IL17D: variants seen among roughly 807,000 people sequenced by gnomAD.
IL17D encodes the protein interleukin 17D.
In IL17D, 10 loss-of-function variants were observed where a neutral mutation model predicts 5.7. That is an observed-to-expected ratio of 1.75 (90% confidence interval 1.08 to 2.97). IL17D has a LOEUF of 2.97. Ranked by LOEUF, IL17D falls within the 30% of genes most tolerant of loss-of-function variation. The pLI is 0.00. For synonymous variants in IL17D, 172 were observed against 141.7 expected, an observed-to-expected ratio of 1.21 and a Z score of -1.52; for missense variants, 354 against 292.7, an observed-to-expected ratio of 1.21 and a Z score of -1.53.
chr13:20,710,301 G>C (rs1237001114), intron 1 of IL17D, among the ~76,000 whole-genome samples: 2 of 151,838 alleles, frequency 1.3e-5, no homozygotes, highest in Non-Finnish European at 2.9e-5. Context: ...TAAGATATAC[G>C]TCATTCATTT....
At chr13:20,705,066 G>A (rs988701782) in intron 1 of IL17D, among the ~76,000 whole-genome samples, 2 of 152,156 alleles carry the variant, frequency 1.3e-5, no homozygotes, top group Non-Finnish European at 2.9e-5. Context: ...TTGGGGGCGT[G>A]TAGGCAGGGT....
At position 20,716,978 on chromosome 13, in the gene IL17D, C is replaced by G. The variant is rs369750464; in HGVS notation, c.291-4658C>G. 5.3e-5 allele frequency: 8 copies of G among 152,256 alleles called. No homozygotes were observed. Among genetic ancestry groups the G allele is most frequent in the African/African-American group, 1.7e-4 (7 of 41,462 alleles). The allele number at this position is 152,256 out of a possible 1,614,324, so 9.4% of individuals were successfully genotyped here. On this transcript the variant is annotated intron_variant, in intron 1 of 1. Coordinates refer to ENST00000682841, the MANE Select transcript of IL17D (RefSeq NM_001385224.1). The surrounding 1 kb of genome is among the most constrained non-coding windows in gnomAD (Gnocchi z 4.2). ...GACACATCAGGTGGCCCGATCCTCC[C>G]TCGGAATGTGTTCATTGTTTTCAGA...
Position 20,722,299 on chromosome 13 carries a change from G to A in IL17D, c.*345G>A. 1 of 302,628 alleles carries A rather than the reference G, an allele frequency of 3.3e-6. No homozygotes were observed. The highest frequency in any genetic ancestry group is 6.0e-6 in the Non-Finnish European group (1 of 165,736). The allele number at this position is 302,628 out of a possible 1,614,324, so 18.7% of individuals were successfully genotyped here. A position where few individuals can be genotyped will look rare whatever the true frequency, so the allele number is the denominator to read the frequency against. On this transcript the variant is annotated 3_prime_UTR_variant, in exon 2 of 2. Transcript: ENST00000682841. ...CTGCGGGTGCAGGGCGTGACTCACCGCTGGGTGCTTGCCAAAGAGATAGGG... is the reference window on the plus strand; with the variant it reads ...CTGCGGGTGCAGGGCGTGACTCACCACTGGGTGCTTGCCAAAGAGATAGGG...
intron 1 of IL17D, 34 bp from the exon 2 acceptor site, chr13:20,721,602 C>G: frequency 6.5e-7 from 1 of 1,540,846 alleles, no homozygotes; most frequent in Non-Finnish European, 8.8e-7. Context: ...GGGCTGCCCC[C>G]AGGCGTGACC....
chr13:20,712,178 C>T (rs763558530), intron 1 of IL17D, among the ~76,000 whole-genome samples: 12 of 152,222 alleles, frequency 7.9e-5, no homozygotes, highest in East Asian at 1.9e-4. Flanking sequence ...GTACTGTTCG[C>T]ATCACTTTCT....
upstream of IL17D, chr13:20,703,190 CGCCGCA>C (rs1295064909): frequency 1.3e-6 from 1 of 797,376 alleles, no homozygotes; most frequent in Non-Finnish European, 1.5e-6. Context: ...CTGGGCGCCC[CGCCGCA>C]TGCTCGCGGC....
chr13:20,713,570 G>C (rs1010196161), intron 1 of IL17D: 1 of 152,190 alleles, frequency 6.6e-6, no homozygotes, highest in Non-Finnish European at 1.5e-5. Flanking sequence ...TGCTTTGATA[G>C]TTATTTTCCC....
Position 20,704,053 on chromosome 13 carries a change from G to C in IL17D, c.52G>C (p.Ala18Pro). 1 of 1,064,996 alleles carries C rather than the reference G, an allele frequency of 9.4e-7. No homozygotes were observed. Among genetic ancestry groups the C allele is most frequent in the Non-Finnish European group, 1.1e-6 (1 of 885,888 alleles). The allele number at this position is 1,064,996 out of a possible 1,614,324, so 66.0% of individuals were successfully genotyped here. A position where few individuals can be genotyped will look rare whatever the true frequency, so the allele number is the denominator to read the frequency against. Residue 18 changes from alanine (A) to proline (P), a missense_variant, in exon 1 of 2, where the codon GCC (alanine) becomes CCC (proline). Physicochemically the swap from Ala to Pro is conservative, Grantham distance 27. Transcript: ENST00000682841. Reference protein sequence around the residue: ...LALPPSWAAGAPRAGRRPARP... With the variant: ...LALPPSWAAGPPRAGRRPARP... ...GCTGCCGCCGAGCTGGGCCGCGGGC[G>C]CCCCGAGGGCGGGCAGGCGCCCCGC...
chr13:20,703,497 T>C (rs1321258961), upstream of IL17D: 3 of 909,472 alleles, frequency 3.3e-6, no homozygotes, highest in Non-Finnish European at 3.9e-6. Flanking sequence ...CCGCGGACCC[T>C]GCGCGGGCTG....
intron 1 of IL17D, among the ~76,000 whole-genome samples, chr13:20,706,090 AC>A (rs1285058126): frequency 6.6e-6 from 1 of 152,112 alleles, no homozygotes; most frequent in Non-Finnish European, 1.5e-5. Context: ...TCTGCAGAGG[AC>A]CAAGCTCACT....
intron 1 of IL17D, among the ~76,000 whole-genome samples, chr13:20,704,691 TCTC>T (rs898962917): frequency 3.3e-5 from 5 of 151,882 alleles, no homozygotes; most frequent in African/African-American, 9.7e-5. Flanking sequence ...GAACACCTCA[TCTC>T]CTCCAGGTTG....
intron 1 of IL17D, among the ~76,000 whole-genome samples, chr13:20,704,692 C>G (rs1462296359): frequency 6.6e-5 from 10 of 152,110 alleles, no homozygotes; most frequent in Admixed American, 6.5e-4. Flanking sequence ...AACACCTCAT[C>G]TCCTCCAGGT....
rs1224733644 is a variant in IL17D at position 20,721,638 on chromosome 13, T to C, written c.293T>C (p.Ile98Thr). 6 of 1,591,114 alleles carry C rather than the reference T, an allele frequency of 3.8e-6. No individual in the cohort carries two copies. In the Admixed American group the frequency reaches 5.1e-5, roughly 13 times the overall value. The stretch of plus-strand genomic sequence containing the variant: ...TCACCCGTGCTCTCTCCCTGCAGAA[T>C]CTCCTACGACCCGGCGAGGTACCCC... ...LRSVSPWAYR[I>T]SYDPARYPRY... is the part of the protein sequence containing the mutation. Residue 98 changes from isoleucine to threonine, a missense_variant and splice_region_variant, in exon 2 of 2, where the codon ATC becomes ACC. By Grantham distance (89) the Ile-to-Thr change is moderately conservative. Transcript: ENST00000682841.
chr13:20,718,661 T>C lies in IL17D; in HGVS notation c.291-2975T>C, dbSNP rs868624175. Among the ~76,000 whole-genome samples, 101 of 68,750 alleles carry C rather than the reference T, an allele frequency of 1.5e-3. 1 individual carries two copies. The highest frequency in any genetic ancestry group is 2.0e-3 in the Non-Finnish European group (76 of 37,478). 45.1% of individuals were successfully genotyped at this position (68,750 alleles called of 152,430 possible). On this transcript the variant is annotated intron_variant, in intron 1 of 1. Transcript: ENST00000682841. ...ACGCTCACACACCTGCCCACTTACA[T>C]GCCCACGCTCACACACACCTGCCCA... is the stretch of plus-strand genomic sequence containing the variant.
intron 1 of IL17D, among the ~76,000 whole-genome samples, chr13:20,705,649 G>A (rs974144304): frequency 2.6e-5 from 4 of 152,162 alleles, no homozygotes; most frequent in Non-Finnish European, 1.5e-5. Context: ...GTGAGCTGTG[G>A]TGGCGCCACT....
At chr13:20,705,366 G>A (rs940108717) in intron 1 of IL17D, among the ~76,000 whole-genome samples, 8 of 152,120 alleles carry the variant, frequency 5.3e-5, no homozygotes, top group Non-Finnish European at 8.8e-5. Context: ...GGTGGGCATC[G>A]ATGTAAGGCT....
At chr13:20,708,727 C>T (rs558054893) in intron 1 of IL17D, among the ~76,000 whole-genome samples, 102 of 149,620 alleles carry the variant, frequency 6.8e-4, no homozygotes, top group Non-Finnish European at 1.2e-3. Context: ...CGGCCGGGTG[C>T]GGTGGCTCAC....
At chr13:20,709,948 G>A (rs546639714) in intron 1 of IL17D, among the ~76,000 whole-genome samples, 8 of 152,106 alleles carry the variant, frequency 5.3e-5, no homozygotes, top group Non-Finnish European at 1.0e-4. Flanking sequence ...GAGTTCCTGC[G>A]ACTCCATGGC....
intron 1 of IL17D, chr13:20,713,763 G>A (rs563527295): frequency 6.6e-6 from 1 of 152,290 alleles, no homozygotes; most frequent in South Asian, 2.1e-4. Context: ...ATTCCTCATG[G>A]TGTCTGTCTT....
Sources: gnomAD v4.1 joint callset for allele counts (sites outside exome capture counted in the v4.1 genomes callset) on GRCh38, gnomAD v4.1.1 for gene constraint, Gnocchi (gnomAD v3.1) non-coding constraint, MANE v1.5 for transcripts, NCBI Gene and HGNC (gene_info 2026-07-23, HGNC 2026-07-21) for gene names.